Variants in GRM5 observed in about 807,000 individuals in gnomAD.
GRM5 encodes glutamate metabotropic receptor 5, also known as metabotropic glutamate receptor 5.
GRM5 carries 19 observed loss-of-function variants against 83.1 expected under a neutral mutation model. That is an observed-to-expected ratio of 0.23 (90% confidence interval 0.16 to 0.34). GRM5 has a LOEUF of 0.34. Among genes scored for constraint, GRM5 ranks in the 10% least tolerant of loss-of-function variants. GRM5 has a pLI of 1.00. For missense variants in GRM5, 1,160 were observed against 1,588.3 expected, an observed-to-expected ratio of 0.73 and a Z score of 4.58; for synonymous variants, 675 against 633.6, an observed-to-expected ratio of 1.07 and a Z score of -0.98.
At chr11:88,923,299 G>A (rs1467479374) in intron 2 of GRM5, among the ~76,000 whole-genome samples, 3 of 152,090 alleles carry the variant, frequency 2.0e-5, no homozygotes, top group Admixed American at 6.6e-5. Context: ...TAAGCAAACC[G>A]AAGTGTTCAT....
chr11:88,601,423 C>G (rs769538766), intron 5 of GRM5, among the ~76,000 whole-genome samples: 15 of 151,726 alleles, frequency 9.9e-5, no homozygotes, highest in Non-Finnish European at 2.1e-4. Context: ...CTTTCTCTCT[C>G]TTTTGTTCTT....
At chr11:88,950,166 G>A (rs1277942606) in intron 2 of GRM5, among the ~76,000 whole-genome samples, 3 of 151,874 alleles carry the variant, frequency 2.0e-5, no homozygotes, top group South Asian at 2.1e-4. Context: ...GAGCCACCAC[G>A]CCCGGCCGAA....
intron 7 of GRM5, among the ~76,000 whole-genome samples, chr11:88,581,706 G>C (rs550648955): frequency 4.6e-5 from 7 of 152,184 alleles, no homozygotes; most frequent in African/African-American, 1.4e-4. Flanking sequence ...TTCTTTTACA[G>C]CTGATCACCA....
intron 3 of GRM5, among the ~76,000 whole-genome samples, chr11:88,792,668 C>A (rs1030137040): frequency 4.6e-5 from 7 of 152,058 alleles, no homozygotes; most frequent in African/African-American, 1.7e-4. Context: ...ATTTAGTCTG[C>A]ACATATTGTG....
At chr11:88,752,727 C>A (rs1234965134) in intron 3 of GRM5, among the ~76,000 whole-genome samples, 1 of 152,164 alleles carries the variant, frequency 6.6e-6, no homozygotes, top group African/African-American at 2.4e-5. Flanking sequence ...GTACAGTAAC[C>A]AAAGCAGCAT....
intron 3 of GRM5, among the ~76,000 whole-genome samples, chr11:88,742,669 G>A (rs189250393): frequency 7.9e-4 from 121 of 152,218 alleles, no homozygotes; most frequent in South Asian, 3.5e-3. Flanking sequence ...TTCAAAGTAC[G>A]ACCTCTCTGG....
At position 88,672,640 on chromosome 11, in the gene GRM5, A is replaced by G. The variant is rs1228993436; in HGVS notation, c.912-19237T>C. ...AACTCTCTTGCTGAATACAGCAGAA[A>G]TATTTTTACTCAAATGTGATAGGAG... On this transcript the variant is annotated intron_variant, in intron 3 of 9. Coordinates refer to ENST00000305447, the MANE Select transcript of GRM5 (RefSeq NM_001143831.3). Among the ~76,000 whole-genome samples, 4 of 152,122 alleles carry G rather than the reference A, an allele frequency of 2.6e-5. No individual in the cohort carries two copies. In the East Asian group the frequency reaches 5.8e-4, roughly 22 times the overall value.
At position 88,547,937 on chromosome 11, in the gene GRM5, T is replaced by C. The variant is rs569536940; in HGVS notation, c.2630+19116A>G. On this transcript the variant is annotated intron_variant, in intron 8 of 9. Coordinates refer to ENST00000305447, the MANE Select transcript of GRM5 (RefSeq NM_001143831.3). ...TCTTTAACCAGCCACCAGATATATC[T>C]CTATGCCTACCAACTAATGGAAATA... Among the ~76,000 whole-genome samples, 441 of 152,298 alleles carry C rather than the reference T, an allele frequency of 2.9e-3. 2 individuals are homozygous for C. Among genetic ancestry groups the C allele is most frequent in the African/African-American group, 9.0e-3 (372 of 41,558 alleles).
At chr11:88,827,757 T>C (rs1294817607) in intron 3 of GRM5, among the ~76,000 whole-genome samples, 1 of 152,222 alleles carries the variant, frequency 6.6e-6, no homozygotes, top group Non-Finnish European at 1.5e-5. Context: ...CCAGGTATTC[T>C]TTATAGTGAC....
At chr11:88,989,142 C>T (rs1343289467) in intron 2 of GRM5, among the ~76,000 whole-genome samples, 1 of 149,402 alleles carries the variant, frequency 6.7e-6, no homozygotes, top group African/African-American at 2.4e-5. Context: ...CACACATAGG[C>T]TCAAAATAAA....
intron 2 of GRM5, among the ~76,000 whole-genome samples, chr11:88,876,993 T>C (rs1371918242): frequency 2.6e-5 from 4 of 151,970 alleles, no homozygotes; most frequent in Non-Finnish European, 5.9e-5. Flanking sequence ...ATGATACCAA[T>C]CATAATTGGA....
At chr11:88,903,785 T>G (rs2135598338) in intron 2 of GRM5, among the ~76,000 whole-genome samples, 1 of 152,350 alleles carries the variant, frequency 6.6e-6, no homozygotes, top group African/African-American at 2.4e-5. Context: ...GAGCAATTAC[T>G]TAATAGGTAC....
intron 2 of GRM5, among the ~76,000 whole-genome samples, chr11:89,004,645 G>C (rs552367272): frequency 7.2e-5 from 11 of 152,134 alleles, no homozygotes; most frequent in African/African-American, 2.4e-4. Context: ...AAATAGTTCC[G>C]AATTTAGGCT....
intron 3 of GRM5, among the ~76,000 whole-genome samples, chr11:88,707,455 A>G (rs979482283): frequency 2.6e-5 from 4 of 152,120 alleles, no homozygotes; most frequent in Non-Finnish European, 2.9e-5. Context: ...ACCTGTCCAT[A>G]TATTTTTCTC....
chr11:88,906,274 C>T (rs2135600888), intron 2 of GRM5, among the ~76,000 whole-genome samples: 1 of 152,250 alleles, frequency 6.6e-6, no homozygotes, highest in Admixed American at 6.5e-5. Context: ...AGACTCACAA[C>T]AGAGGGCAAC....
In GRM5 at chr11:88,853,109, C is replaced by T. The variant is rs1356066071; in HGVS notation, c.662-2954G>A. On this transcript the variant is annotated intron_variant, in intron 2 of 9. Transcript: ENST00000305447. The stretch of plus-strand genomic sequence containing the variant: ...TAGAAGTAAGACAGAATCCATAGAA[C>T]GTTCTTCTTTAGGTAGCAGAGGGTT... Among the ~76,000 whole-genome samples the T allele has an allele frequency of 3.3e-5, 5 of 152,020 alleles. No homozygotes were observed. The East Asian group carries it at 7.7e-4, about 23-fold the overall frequency.
chr11:89,046,037 T>G (rs1470523794), intron 2 of GRM5, among the ~76,000 whole-genome samples: 2 of 152,338 alleles, frequency 1.3e-5, no homozygotes, highest in East Asian at 3.9e-4. Flanking sequence ...TGTGTCATTT[T>G]GAATTATGAT....
intron 3 of GRM5, among the ~76,000 whole-genome samples, chr11:88,691,156 G>A (rs1940773056): frequency 6.6e-6 from 1 of 152,160 alleles, no homozygotes; most frequent in South Asian, 2.1e-4. Context: ...CAGCACAAAA[G>A]GTGGTGTAGG....
At chr11:88,820,176 C>T (rs1473597613) in intron 3 of GRM5, among the ~76,000 whole-genome samples, 2 of 150,628 alleles carry the variant, frequency 1.3e-5, no homozygotes, top group African/African-American at 2.5e-5. Flanking sequence ...GACAGGAGAT[C>T]GAGACCATTC....
Sources: allele counts gnomAD v4.1 joint callset (sites outside exome capture counted in the v4.1 genomes callset), GRCh38; gene constraint gnomAD v4.1.1; transcripts MANE v1.5; gene names NCBI Gene and HGNC (gene_info 2026-07-23, HGNC 2026-07-21).